The following UGT2B7 variants were observed in gnomAD, a reference collection of about 807,000 sequenced individuals.
UGT2B7 encodes the protein UDP glucuronosyltransferase family 2 member B7, also known as UDP-glucuronosyltransferase 2B7.
Under a neutral mutation model 51.9 loss-of-function variants are expected in UGT2B7, and 51 were observed. The ratio of observed to expected loss-of-function variants is 0.98; its 90% CI spans 0.78 to 1.24. The LOEUF (loss-of-function observed/expected upper bound fraction) is 1.24, where lower values mean the gene tolerates loss of function less well. UGT2B7 is among the 50% of genes most tolerant of loss of function. The pLI is 0.00. For missense variants in UGT2B7, 727 were observed against 628.4 expected, an observed-to-expected ratio of 1.16 and a Z score of -1.68; for synonymous variants, 225 against 211.6, an observed-to-expected ratio of 1.06 and a Z score of -0.55.
chr4:69,064,802 GA>G (rs1378331162), intron 1 of UGT2B7, among the ~76,000 whole-genome samples: 2 of 152,162 alleles, frequency 1.3e-5, no homozygotes, highest in African/African-American at 4.8e-5. Flanking sequence ...CCTGCAAAAA[GA>G]TGTCAATTTA....
At chr4:69,059,805 C>A (rs1718303191) in intron 1 of UGT2B7, among the ~76,000 whole-genome samples, 1 of 152,236 alleles carries the variant, frequency 6.6e-6, no homozygotes, top group Admixed American at 6.5e-5. Context: ...TAGACCAGTA[C>A]AGAATTTGTG....
At chr4:69,066,920 G>C (rs1005406760) in intron 1 of UGT2B7, among the ~76,000 whole-genome samples, 3 of 152,066 alleles carry the variant, frequency 2.0e-5, no homozygotes, top group Admixed American at 2.0e-4. Flanking sequence ...ATCATGGAGT[G>C]TTGGTAACAC....
At chr4:69,077,578 C>CTT (rs140868340) in intron 1 of UGT2B7, among the ~76,000 whole-genome samples, 65 of 148,926 alleles carry the variant, frequency 4.4e-4, no homozygotes, top group Non-Finnish European at 5.2e-4. Flanking sequence ...TGATTTGGCT[C>CTT]TCTTTTTTTT....
intron 1 of UGT2B7, among the ~76,000 whole-genome samples, chr4:69,087,427 CTT>C (rs1466020565): frequency 6.6e-6 from 1 of 151,852 alleles, no homozygotes; most frequent in Non-Finnish European, 1.5e-5. Context: ...TCTTTAATAA[CTT>C]TGTCTTTTTA....
chr4:69,097,416 G>A (rs1343774383), intron 1 of UGT2B7, among the ~76,000 whole-genome samples, 175 bp downstream of exon 1: 1 of 151,970 alleles, frequency 6.6e-6, no homozygotes, highest in African/African-American at 2.4e-5. Flanking sequence ...TTAAATTACA[G>A]GGTCAGTTAA....
chr4:69,066,562 G>A (rs1718487844), intron 1 of UGT2B7: 1 of 151,986 alleles, frequency 6.6e-6, no homozygotes. Context: ...ACACACTGTT[G>A]AAATAATAAG....
chr4:69,105,975 A>G (rs578181958), intron 3 of UGT2B7, among the ~76,000 whole-genome samples: 7 of 152,246 alleles, frequency 4.6e-5, no homozygotes, highest in Non-Finnish European at 7.4e-5. Context: ...TAAAATACAT[A>G]AAACAAAATA....
At chr4:69,109,405 CCTGA>C (rs1222703043) in intron 5 of UGT2B7, among the ~76,000 whole-genome samples, 1 of 152,034 alleles carries the variant, frequency 6.6e-6, no homozygotes, top group Non-Finnish European at 1.5e-5. Flanking sequence ...CCTGTTATTC[CCTGA>C]CTTTTTGTTA....
intron 1 of UGT2B7, among the ~76,000 whole-genome samples, chr4:69,052,721 G>A (rs574187796): frequency 7.1e-5 from 8 of 112,246 alleles, no homozygotes; most frequent in Admixed American, 5.3e-4. Context: ...AGAATTGTCA[G>A]TGGAAGTCGT....
At chr4:69,077,922 A>G (rs1282183465) in intron 1 of UGT2B7, among the ~76,000 whole-genome samples, 3 of 152,184 alleles carry the variant, frequency 2.0e-5, no homozygotes, top group Non-Finnish European at 4.4e-5. Flanking sequence ...GGTTTGTCAT[A>G]AGAAGCTCTT....
chr4:69,110,473 G>C (rs997571019), intron 5 of UGT2B7, among the ~76,000 whole-genome samples: 2 of 135,916 alleles, frequency 1.5e-5, no homozygotes, highest in African/African-American at 5.7e-5. Context: ...CCATATAGAA[G>C]AATATTTATG....
Position 69,102,138 on chromosome 4 carries a change from A to G in UGT2B7, c.871-669A>G, listed in dbSNP as rs577112240. Among the ~76,000 whole-genome samples, 167 of 152,316 alleles carry G rather than the reference A, an allele frequency of 1.1e-3. No individual in the cohort carries two copies. In the South Asian group the frequency reaches 0.019, roughly 17 times the overall value. The stretch of plus-strand genomic sequence containing the variant: ...GACTAATTCATAGAAATTCCAAATT[A>G]CATTACCAGACTCCAGAATGTCAGC... On this transcript the variant is annotated intron_variant, in intron 2 of 5. Coordinates refer to ENST00000305231, the MANE Select transcript of UGT2B7 (RefSeq NM_001074.4).
At chr4:69,112,250 C>A (rs1004757675) in intron 5 of UGT2B7, among the ~76,000 whole-genome samples, 1 of 152,126 alleles carries the variant, frequency 6.6e-6, no homozygotes, top group South Asian at 2.1e-4. Flanking sequence ...CTTGCTCAAT[C>A]GATCATGACC....
At chr4:69,070,300 G>T (rs1187797377) in intron 1 of UGT2B7, among the ~76,000 whole-genome samples, 1 of 146,554 alleles carries the variant, frequency 6.8e-6, no homozygotes, top group African/African-American at 2.5e-5. Context: ...CTTATATATT[G>T]TATTTTTATT....
At chr4:69,086,415 G>A (rs1718960451) in intron 1 of UGT2B7, among the ~76,000 whole-genome samples, 3 of 151,828 alleles carry the variant, frequency 2.0e-5, no homozygotes, top group South Asian at 4.1e-4. Flanking sequence ...TCTAGAAGAT[G>A]TTTCATGTGC....
chr4:69,084,427 G>GA (rs11442991), intron 1 of UGT2B7, among the ~76,000 whole-genome samples: 87,398 of 151,212 alleles, frequency 0.58, 26,222 homozygotes, highest in African/African-American at 0.71. Context: ...TAATGTTTTG[G>GA]AAAAAATATT....
chr4:69,059,762 T>C (rs1560498220), intron 1 of UGT2B7, among the ~76,000 whole-genome samples: 1 of 152,156 alleles, frequency 6.6e-6, no homozygotes, highest in Non-Finnish European at 1.5e-5. Flanking sequence ...GGAACACCCC[T>C]CTCTTGCCAG....
chr4:69,087,142 C>T (rs575707269), intron 1 of UGT2B7, among the ~76,000 whole-genome samples: 5 of 151,678 alleles, frequency 3.3e-5, no homozygotes, highest in Middle Eastern at 3.4e-3. Context: ...CTCTCTCTCT[C>T]TGTGTCTTCC....
intron 5 of UGT2B7, among the ~76,000 whole-genome samples, chr4:69,111,679 T>C (rs1410659013): frequency 6.6e-6 from 1 of 152,150 alleles, no homozygotes; most frequent in Non-Finnish European, 1.5e-5. Context: ...ACCCCATAAA[T>C]ATATACACTT....
Sources: gnomAD v4.1 joint callset for allele counts (sites outside exome capture counted in the v4.1 genomes callset) on GRCh38, gnomAD v4.1.1 for gene constraint, MANE v1.5 for transcripts, NCBI Gene and HGNC (gene_info 2026-07-23, HGNC 2026-07-21) for gene names.